Variants in SIPA1L3 observed in about 807,000 individuals in gnomAD.
The protein encoded by SIPA1L3 is signal induced proliferation associated 1 like 3.
Under a neutral mutation model 150.1 loss-of-function variants are expected in SIPA1L3, and 59 were observed. The observed-to-expected ratio is 0.39, with a 90% CI of 0.32 to 0.49. The LOEUF is 0.49. Among genes scored for constraint, SIPA1L3 ranks in the 20% least tolerant of loss-of-function variants. SIPA1L3 has a pLI of 0.86. For missense variants in SIPA1L3, 2,211 were observed against 2,489.5 expected, an observed-to-expected ratio of 0.89 and a Z score of 2.38; for synonymous variants, 1,070 against 1,077.6, an observed-to-expected ratio of 0.99 and a Z score of 0.14.
intron 1 of SIPA1L3, among the ~76,000 whole-genome samples, chr19:37,971,922 C>T (rs893154544): frequency 6.6e-6 from 1 of 152,096 alleles, no homozygotes; most frequent in African/African-American, 2.4e-5. Context: ...TACTTCATTC[C>T]TTTTTGGGTT....
At chr19:37,939,661 ACTTAAATTGTACACAGCAAGTCTG>A (rs1432215221) in intron 1 of SIPA1L3, among the ~76,000 whole-genome samples, 2 of 152,166 alleles carry the variant, frequency 1.3e-5, no homozygotes, top group African/African-American at 4.8e-5. Flanking sequence ...AAAAAAGGAG[ACTTAAATTGTACACAGCAAGTCTG>A]CTTACACCTT....
chr19:37,921,844 C>T (rs1415599930), intron 1 of SIPA1L3, among the ~76,000 whole-genome samples: 1 of 152,116 alleles, frequency 6.6e-6, no homozygotes, highest in Non-Finnish European at 1.5e-5. Context: ...CTCAAGTAAT[C>T]CTCTTGCCTC....
At chr19:38,109,101 G>T (rs879770162) in intron 7 of SIPA1L3, among the ~76,000 whole-genome samples, 16 of 152,212 alleles carry the variant, frequency 1.1e-4, no homozygotes, top group Non-Finnish European at 1.8e-4. Flanking sequence ...AGACTGACCA[G>T]CAGGGGAGAG....
At chr19:38,178,062 C>CTGTG (rs1218846544) in intron 15 of SIPA1L3, among the ~76,000 whole-genome samples, 2 of 147,644 alleles carry the variant, frequency 1.4e-5, no homozygotes, top group Non-Finnish European at 3.0e-5. Context: ...TCATACCTGC[C>CTGTG]TGTGTGTGCT....
chr19:38,173,843 G>A (rs551648750), intron 15 of SIPA1L3, among the ~76,000 whole-genome samples: 3 of 152,310 alleles, frequency 2.0e-5, no homozygotes, highest in East Asian at 3.9e-4. Context: ...TCTGCAGGGC[G>A]GGGAGCAGTG....
chr19:37,967,955 A>G (rs2046919136), intron 1 of SIPA1L3, among the ~76,000 whole-genome samples: 1 of 138,478 alleles, frequency 7.2e-6, no homozygotes, highest in South Asian at 2.4e-4. Flanking sequence ...CCTGGCGCCC[A>G]GCCACTTACG....
intron 1 of SIPA1L3, among the ~76,000 whole-genome samples, chr19:38,008,437 C>CA (rs1167859629): frequency 6.6e-6 from 1 of 151,876 alleles, no homozygotes; most frequent in Non-Finnish European, 1.5e-5. Flanking sequence ...CCATATTGGT[C>CA]AGGCTGGTCT....
intron 9 of SIPA1L3, among the ~76,000 whole-genome samples, chr19:38,128,036 C>T (rs1971216637): frequency 6.9e-6 from 1 of 145,246 alleles, no homozygotes; most frequent in African/African-American, 2.5e-5. Context: ...TGAACAAGTT[C>T]CTTGGGCCTC....
chr19:38,203,034 C>T (rs538223788), intron 20 of SIPA1L3, among the ~76,000 whole-genome samples: 2 of 152,334 alleles, frequency 1.3e-5, no homozygotes, highest in South Asian at 2.1e-4. Flanking sequence ...GCACACCTCA[C>T]GGTTCAGGGT....
rs2046891296 is a variant in SIPA1L3 at position 37,965,089 on chromosome 19, A to G, written c.-379+57731A>G. ...AATTCAAGAAAATTTCTTTCCTAAT[A>G]TGGGATCAATTTTTATGGCCATCCC... On this transcript the variant is annotated intron_variant, in intron 1 of 21. Coordinates refer to ENST00000222345, the MANE Select transcript of SIPA1L3 (RefSeq NM_015073.3). Among the ~76,000 whole-genome samples the G allele has an allele frequency of 2.6e-5, 4 of 152,196 alleles. No homozygotes were observed. The South Asian group carries it at 8.3e-4, about 31-fold the overall frequency.
At chr19:37,947,341 T>C (rs2046721173) in intron 1 of SIPA1L3, among the ~76,000 whole-genome samples, 1 of 151,508 alleles carries the variant, frequency 6.6e-6, no homozygotes, top group South Asian at 2.1e-4. Context: ...TACAAAAAAT[T>C]AGCTGGGTGT....
At chr19:37,971,113 C>T (rs1354899563) in intron 1 of SIPA1L3, among the ~76,000 whole-genome samples, 2 of 151,844 alleles carry the variant, frequency 1.3e-5, no homozygotes, top group Non-Finnish European at 2.9e-5. Flanking sequence ...TTTATTCCTC[C>T]CCCACCTCCC....
intron 8 of SIPA1L3, among the ~76,000 whole-genome samples, chr19:38,117,492 G>A (rs1970914044): frequency 6.6e-6 from 1 of 152,054 alleles, no homozygotes; most frequent in South Asian, 2.1e-4. Context: ...TGTAGCAGGT[G>A]CCTGTAATCC....
At chr19:37,972,730 T>C (rs918695803) in intron 1 of SIPA1L3, among the ~76,000 whole-genome samples, 2 of 152,076 alleles carry the variant, frequency 1.3e-5, no homozygotes, top group African/African-American at 4.8e-5. Context: ...AAAACTGCAA[T>C]GTGATAATAT....
At chr19:38,191,098 C>T (rs1165677148) in intron 16 of SIPA1L3, among the ~76,000 whole-genome samples, 1 of 152,184 alleles carries the variant, frequency 6.6e-6, no homozygotes, top group Non-Finnish European at 1.5e-5. Flanking sequence ...ACATATATGG[C>T]TGTGGTGGGG....
chr19:37,961,755 G>A (rs1004413491), intron 1 of SIPA1L3, among the ~76,000 whole-genome samples: 1 of 151,830 alleles, frequency 6.6e-6, no homozygotes, highest in Non-Finnish European at 1.5e-5. Flanking sequence ...TGTCTGTCTT[G>A]ATGCCTTTGA....
chr19:38,080,853 C>A (rs1969961295), intron 2 of SIPA1L3, among the ~76,000 whole-genome samples: 1 of 151,952 alleles, frequency 6.6e-6, no homozygotes, highest in South Asian at 2.1e-4. Flanking sequence ...TGCTGGAATT[C>A]CAGCTACTTG....
intron 10 of SIPA1L3, among the ~76,000 whole-genome samples, chr19:38,138,910 A>AAAAAAAAAAAAAAAAAAAAAAAAAC: frequency 8.9e-6 from 1 of 112,858 alleles, no homozygotes; most frequent in Admixed American, 9.4e-5. Context: ...AAAAAAAAAA[A>AAAAAAAAAAAAAAAAAAAAAAAAAC]AAAAACTGAG....
rs774521465 is a variant in SIPA1L3, at chr19:38,110,371, A to G, written c.2278A>G (p.Asn760Asp). ...IVRVHNPCTD[N>D]VCYSMAVTRS... is the part of the protein sequence containing the mutation. Reference sequence around the variant, plus strand: ...CCGAGTCCACAACCCCTGCACTGATAACGTCTGTTACAGGTATGCCCCCCA... The same window carrying G: ...CCGAGTCCACAACCCCTGCACTGATGACGTCTGTTACAGGTATGCCCCCCA... The change falls in exon 8 of 22, where the codon AAC becomes GAC. Residue 760 changes from asparagine to aspartate, a missense_variant. Around this residue, in one of 5 missense-constraint regions of SIPA1L3, gnomAD observed 625 missense variants for 804.2 expected, o/e 0.78. Coordinates refer to ENST00000222345, the MANE Select transcript of SIPA1L3 (RefSeq NM_015073.3). 3 of 1,613,644 alleles carry G rather than the reference A, an allele frequency of 1.9e-6. No homozygotes were observed. The highest frequency in any genetic ancestry group is 2.5e-6 in the Non-Finnish European group (3 of 1,179,802).
Sources: gnomAD v4.1 joint callset for allele counts (sites outside exome capture counted in the v4.1 genomes callset) on GRCh38, gnomAD v4.1.1 for gene constraint, gnomAD v4.1.1 regional missense constraint, MANE v1.5 for transcripts, NCBI Gene and HGNC (gene_info 2026-07-23, HGNC 2026-07-21) for gene names.